The following SDK1 variants were observed in gnomAD, a reference collection of about 807,000 sequenced individuals.
SDK1 encodes sidekick cell adhesion molecule 1.
In SDK1, 157 loss-of-function variants were observed where a neutral mutation model predicts 245.5. That is an observed-to-expected ratio of 0.64 (90% CI 0.56 to 0.73). The LOEUF (loss-of-function observed/expected upper bound fraction) is 0.73, where lower values mean the gene tolerates loss of function less well. Among genes scored for constraint, SDK1 ranks in the 30% least tolerant of loss-of-function variants. The pLI, the probability that SDK1 is intolerant of heterozygous loss-of-function variation, is 0.00. For missense variants in SDK1, 3,583 were observed against 3,002.3 expected (o/e 1.19, Z -4.52); for synonymous variants, 1,647 against 1,278.5 (o/e 1.29, Z -6.15).
chr7:3,318,487 T>A (rs545945201), intron 1 of SDK1, among the ~76,000 whole-genome samples: 2 of 152,336 alleles, frequency 1.3e-5, no homozygotes, highest in East Asian at 3.9e-4. Context: ...ATCATAGCTA[T>A]TATTGTACTC....
At chr7:3,853,560 C>T (rs191645285) in intron 5 of SDK1, among the ~76,000 whole-genome samples, 158 of 152,182 alleles carry the variant, frequency 1.0e-3, no homozygotes, top group Non-Finnish European at 1.8e-3. Context: ...GAAGTGTTTC[C>T]AGTCTCAGAT....
At chr7:3,505,490 A>G (rs910710094) in intron 1 of SDK1, among the ~76,000 whole-genome samples, 4 of 152,158 alleles carry the variant, frequency 2.6e-5, no homozygotes, top group African/African-American at 9.7e-5. Context: ...GGCTCAAGCA[A>G]ACCTCCCACC....
At position 3,971,512 on chromosome 7, in the gene SDK1, G is replaced by A. The variant is rs768627735; in HGVS notation, c.1761G>A (p.Lys587=). 2 of 1,613,748 alleles carry A rather than the reference G, an allele frequency of 1.2e-6. No individual in the cohort carries two copies. Among genetic ancestry groups the A allele is most frequent in the African/African-American group, 1.3e-5 (1 of 75,026 alleles). ...CTCCTGAGGACCACGTGGTGATTAA[G>A]GGGACCACGGCCACGCTGCACTGTG... ...VHPPEDHVVI[K]GTTATLHCGA... Residue 587 remains lysine (K), a synonymous_variant, in exon 12 of 45, where the codon AAG becomes AAA. Transcript: ENST00000404826.
intron 7 of SDK1, among the ~76,000 whole-genome samples, chr7:3,957,714 T>C (rs188980620): frequency 2.0e-5 from 3 of 152,312 alleles, no homozygotes; most frequent in African/African-American, 7.2e-5. Context: ...TGATTATTGA[T>C]TGAGGAAACG....
chr7:3,318,571 ATTAC>A (rs1223358827), intron 1 of SDK1, among the ~76,000 whole-genome samples: 3 of 152,172 alleles, frequency 2.0e-5, no homozygotes, highest in Non-Finnish European at 4.4e-5. Flanking sequence ...GGCATTACTT[ATTAC>A]TTGTTTCGTG....
chr7:3,831,476 G>A (rs751537868), intron 5 of SDK1, among the ~76,000 whole-genome samples: 12 of 152,054 alleles, frequency 7.9e-5, no homozygotes, highest in Admixed American at 5.9e-4. Context: ...GAGTTGCTAG[G>A]CTAAATTGTC....
intron 1 of SDK1, among the ~76,000 whole-genome samples, chr7:3,585,776 T>G (rs1283099524): frequency 2.0e-5 from 3 of 151,962 alleles, no homozygotes; most frequent in Non-Finnish European, 4.4e-5. Flanking sequence ...GGGGGAGAAA[T>G]CTAAAGACAG....
intron 8 of SDK1, among the ~76,000 whole-genome samples, chr7:3,962,001 A>G (rs1781727801): frequency 6.6e-6 from 1 of 151,830 alleles, no homozygotes. Flanking sequence ...ACACACACAC[A>G]TACACACATG....
chr7:3,994,107 A>G (rs1210641108), intron 14 of SDK1, among the ~76,000 whole-genome samples: 1 of 152,008 alleles, frequency 6.6e-6, no homozygotes, highest in African/African-American at 2.4e-5. Context: ...TCACTCACAC[A>G]CTGGTCTTCT....
rs1034017158 is a variant in SDK1, at chr7:4,267,323, C to T, written c.*1939C>T. The T allele has an allele frequency of 1.2e-6, 1 of 840,222 alleles. No homozygotes were observed. Among genetic ancestry groups the T allele is most frequent in the Non-Finnish European group, 1.4e-6 (1 of 701,330 alleles). The allele number at this position is 840,222 out of a possible 1,614,324, so 52.0% of individuals were successfully genotyped here. ...CCTCCCTTCTTTCCCTCCCTCCCTTCCTCTCTCCCCTATTCCTTCTTCCTT... is the reference window on the plus strand; with the variant it reads ...CCTCCCTTCTTTCCCTCCCTCCCTTTCTCTCTCCCCTATTCCTTCTTCCTT... On this transcript the variant is annotated 3_prime_UTR_variant, in exon 45 of 45. Coordinates refer to ENST00000404826, the MANE Select transcript of SDK1 (RefSeq NM_152744.4).
chr7:3,859,543 C>A (rs1780636369), intron 5 of SDK1, among the ~76,000 whole-genome samples: 1 of 152,142 alleles, frequency 6.6e-6, no homozygotes, highest in African/African-American at 2.4e-5. Flanking sequence ...CCATTCTCAG[C>A]ATTGGCTTCA....
intron 1 of SDK1, among the ~76,000 whole-genome samples, chr7:3,584,513 G>A (rs1171728856): frequency 1.3e-5 from 2 of 152,168 alleles, no homozygotes; most frequent in Non-Finnish European, 2.9e-5. Context: ...CTGTGGGGCC[G>A]CTCCTTGAGA....
At chr7:4,250,460 C>T (rs902341427) in intron 44 of SDK1, among the ~76,000 whole-genome samples, 3 of 152,110 alleles carry the variant, frequency 2.0e-5, no homozygotes, top group Non-Finnish European at 2.9e-5. Flanking sequence ...TCTCATGCCT[C>T]GGCTTCCCAA....
chr7:3,382,698 A>C (rs1210476048), intron 1 of SDK1, among the ~76,000 whole-genome samples: 1 of 152,168 alleles, frequency 6.6e-6, no homozygotes, highest in Non-Finnish European at 1.5e-5. Flanking sequence ...TATGTTGGCA[A>C]AATTATATTT....
chr7:3,807,618 G>T (rs1002782755), intron 4 of SDK1, among the ~76,000 whole-genome samples: 1 of 152,140 alleles, frequency 6.6e-6, no homozygotes. Context: ...GTGGGCCAAG[G>T]TGCAGAACTG....
chr7:3,594,725 A>G (rs1430594775), intron 1 of SDK1, among the ~76,000 whole-genome samples: 1 of 152,278 alleles, frequency 6.6e-6, no homozygotes, highest in Admixed American at 6.5e-5. Flanking sequence ...TCCTGTGCTT[A>G]TTAGTCTAAA....
At chr7:3,464,472 G>T (rs190968736) in intron 1 of SDK1, among the ~76,000 whole-genome samples, 1 of 152,128 alleles carries the variant, frequency 6.6e-6, no homozygotes, top group Non-Finnish European at 1.5e-5. Context: ...AGTGAACTAC[G>T]ATTTCGCCAC....
intron 5 of SDK1, among the ~76,000 whole-genome samples, chr7:3,845,550 C>G (rs1326525235): frequency 6.7e-6 from 1 of 149,906 alleles, no homozygotes; most frequent in Non-Finnish European, 1.5e-5. Flanking sequence ...AGTGGCCAGG[C>G]CTGAAATTTG....
At chr7:3,870,135 G>A (rs7789566) in intron 5 of SDK1, among the ~76,000 whole-genome samples, 7,668 of 152,092 alleles carry the variant, frequency 0.05, 614 homozygotes, top group African/African-American at 0.17. Flanking sequence ...CAGCATTCAG[G>A]GAAGTTTATG....
Sources: gnomAD v4.1 joint callset for allele counts (sites outside exome capture counted in the v4.1 genomes callset) on GRCh38, gnomAD v4.1.1 for gene constraint, MANE v1.5 for transcripts, NCBI Gene and HGNC (gene_info 2026-07-23, HGNC 2026-07-21) for gene names.